PRKG1: variants seen among roughly 807,000 people sequenced by gnomAD.
PRKG1 encodes the protein cGMP-dependent protein kinase 1.
Under a neutral mutation model 88.1 loss-of-function variants are expected in PRKG1, and 35 were observed. That is an observed-to-expected ratio of 0.40 (90% CI 0.30 to 0.53). The LOEUF (loss-of-function observed/expected upper bound fraction) is 0.53. Ranked by LOEUF, PRKG1 falls within the 20% of genes least tolerant of loss-of-function variation. The pLI is 0.59. For missense variants in PRKG1, 540 were observed against 839.8 expected (o/e 0.64, Z 4.41); for synonymous variants, 303 against 292.5 (o/e 1.04, Z -0.37).
At chr10:51,407,557 C>T (rs1837956102) in intron 2 of PRKG1, among the ~76,000 whole-genome samples, 1 of 152,224 alleles carries the variant, frequency 6.6e-6, no homozygotes, top group Non-Finnish European at 1.5e-5. Flanking sequence ...TTCTGCAACT[C>T]ATCACGTGGT....
chr10:51,533,617 T>A (rs1191430540), intron 3 of PRKG1, among the ~76,000 whole-genome samples: 9 of 142,892 alleles, frequency 6.3e-5, no homozygotes, highest in African/African-American at 7.8e-5. Flanking sequence ...CTAAAAGCTT[T>A]AAAAAAAAAA....
intron 2 of PRKG1, among the ~76,000 whole-genome samples, chr10:51,204,366 C>CTGTGTGTGTG (rs754207830): frequency 5.7e-4 from 67 of 118,372 alleles, no homozygotes; most frequent in African/African-American, 2.3e-3. Flanking sequence ...GAGTAGACCT[C>CTGTGTGTGTG]CGTGTGTGTG....
intron 3 of PRKG1, among the ~76,000 whole-genome samples, chr10:51,801,420 C>T (rs1332376618): frequency 6.6e-6 from 1 of 152,000 alleles, no homozygotes; most frequent in Non-Finnish European, 1.5e-5. Context: ...AAAAACAGAC[C>T]ATGGGCCAGA....
At chr10:51,408,632 TG>T (rs1837991079) in intron 2 of PRKG1, among the ~76,000 whole-genome samples, 1 of 152,186 alleles carries the variant, frequency 6.6e-6, no homozygotes, top group African/African-American at 2.4e-5. Context: ...TGTTGGTCTC[TG>T]CTGCTGGCAA....
At chr10:51,760,146 G>A (rs1283581854) in intron 3 of PRKG1, among the ~76,000 whole-genome samples, 4 of 152,082 alleles carry the variant, frequency 2.6e-5, no homozygotes, top group African/African-American at 9.7e-5. Flanking sequence ...TTTATTCGAT[G>A]TGTTAATTTT....
intron 2 of PRKG1, among the ~76,000 whole-genome samples, chr10:51,292,649 A>G (rs1004276027): frequency 3.9e-4 from 59 of 152,274 alleles, no homozygotes; most frequent in African/African-American, 1.4e-3. Context: ...GGTTCCTTCC[A>G]ACTGACCTTG....
intron 1 of PRKG1, among the ~76,000 whole-genome samples, chr10:51,014,584 G>C (rs1432386385): frequency 1.3e-5 from 2 of 151,862 alleles, no homozygotes; most frequent in African/African-American, 4.8e-5. Flanking sequence ...TGATGAAGCT[G>C]CACGTGCAGG....
chr10:51,357,851 T>C (rs1422824051), intron 2 of PRKG1, among the ~76,000 whole-genome samples: 2 of 151,998 alleles, frequency 1.3e-5, no homozygotes, highest in Non-Finnish European at 2.9e-5. Flanking sequence ...AAATATGCTT[T>C]AATATTTGGA....
In PRKG1 at chr10:52,272,490, T is replaced by C. The variant is rs1841756154; in HGVS notation, c.1403+9T>C. 6.3e-7 allele frequency: 1 copy of C among 1,578,358 alleles called. No homozygotes were observed. The highest frequency in any genetic ancestry group is 8.7e-7 in the Non-Finnish European group (1 of 1,150,682). ...ACCATTCTCAGGGATAGGTAGGAGA[T>C]TTAAGAAATTTCTATGATATCTCTA... On this transcript the variant is annotated intron_variant, in intron 12 of 17. Coordinates refer to ENST00000373980, the MANE Select transcript of PRKG1 (RefSeq NM_006258.4).
intron 2 of PRKG1, among the ~76,000 whole-genome samples, chr10:51,174,313 A>G (rs1837132058): frequency 6.6e-6 from 1 of 151,980 alleles, no homozygotes; most frequent in Admixed American, 6.6e-5. Flanking sequence ...GCTTGTGATC[A>G]TGAATGAAAT....
At chr10:51,707,370 A>AT (rs1303486488) in intron 3 of PRKG1, among the ~76,000 whole-genome samples, 1 of 152,172 alleles carries the variant, frequency 6.6e-6, no homozygotes, top group Non-Finnish European at 1.5e-5. Flanking sequence ...TCAGGGTGAT[A>AT]TTAGGACTAC....
At chr10:51,020,422 A>G (rs1235891913) in intron 1 of PRKG1, among the ~76,000 whole-genome samples, 1 of 152,230 alleles carries the variant, frequency 6.6e-6, no homozygotes, top group Non-Finnish European at 1.5e-5. Flanking sequence ...TTAGCATCAT[A>G]CTATTTGCCA....
chr10:51,230,080 A>T (rs1355013856), intron 2 of PRKG1, among the ~76,000 whole-genome samples: 1 of 152,148 alleles, frequency 6.6e-6, no homozygotes, highest in Non-Finnish European at 1.5e-5. Context: ...TTACAGCATT[A>T]TTAGTAATAA....
chr10:51,633,551 T>C (rs973240459), intron 3 of PRKG1, among the ~76,000 whole-genome samples: 10 of 152,116 alleles, frequency 6.6e-5, no homozygotes, highest in African/African-American at 1.7e-4. Context: ...TTCTGAAGTA[T>C]AAAAAAGTGA....
intron 1 of PRKG1, among the ~76,000 whole-genome samples, chr10:51,137,903 T>G (rs1046216052): frequency 2.6e-5 from 4 of 152,048 alleles, no homozygotes; most frequent in African/African-American, 9.7e-5. Context: ...CAAGAGAAGG[T>G]TGATGATTAA....
intron 8 of PRKG1, among the ~76,000 whole-genome samples, chr10:52,160,817 A>T (rs906985190): frequency 4.6e-5 from 7 of 152,078 alleles, no homozygotes; most frequent in Non-Finnish European, 8.8e-5. Flanking sequence ...ACAGTATTTT[A>T]AAATTATCTC....
intron 1 of PRKG1, among the ~76,000 whole-genome samples, chr10:51,138,010 T>G (rs2131949002): frequency 6.6e-6 from 1 of 151,956 alleles, no homozygotes; most frequent in South Asian, 2.1e-4. Context: ...GGAGGGGAGG[T>G]TATGTATTGG....
chr10:51,475,257 A>G (rs772459097), intron 3 of PRKG1, among the ~76,000 whole-genome samples: 2 of 151,844 alleles, frequency 1.3e-5, no homozygotes, highest in South Asian at 4.1e-4. Context: ...TCAAATGTTT[A>G]CTCTAATGTC....
At chr10:51,688,405 G>A (rs1841047984) in intron 3 of PRKG1, among the ~76,000 whole-genome samples, 1 of 152,100 alleles carries the variant, frequency 6.6e-6, no homozygotes, top group South Asian at 2.1e-4. Flanking sequence ...GCAGGCTGGT[G>A]TCTCTCCTGC....
Sources: gnomAD v4.1 joint callset for allele counts (sites outside exome capture counted in the v4.1 genomes callset) on GRCh38, gnomAD v4.1.1 for gene constraint, MANE v1.5 for transcripts, NCBI Gene and HGNC (gene_info 2026-07-23, HGNC 2026-07-21) for gene names.